The following PCDH15 variants were observed in gnomAD, a reference collection of about 807,000 sequenced individuals.
The protein encoded by PCDH15 is protocadherin-15.
PCDH15 carries 129 observed loss-of-function variants against 178.5 expected under a neutral mutation model. The observed-to-expected ratio is 0.72, with a 90% CI of 0.63 to 0.84. The LOEUF is 0.84. Ranked by LOEUF, PCDH15 falls within the 40% of genes least tolerant of loss-of-function variation. The probability of loss-of-function intolerance (pLI) is 0.00; values close to 1 mark genes in which losing one functional copy is unlikely to be tolerated. For synonymous variants in PCDH15, 800 were observed against 732.0 expected, an observed-to-expected ratio of 1.09 and a Z score of -1.50; for missense variants, 2,230 against 2,099.9, an observed-to-expected ratio of 1.06 and a Z score of -1.21.
chr10:54,952,984 G>C (rs886246738), intron 2 of PCDH15, among the ~76,000 whole-genome samples: 4 of 151,560 alleles, frequency 2.6e-5, no homozygotes, highest in African/African-American at 9.6e-5. Flanking sequence ...ATTTTTAAAA[G>C]TTTCTATTTC....
intron 2 of PCDH15, among the ~76,000 whole-genome samples, chr10:54,944,588 TTG>T (rs1451512862): frequency 1.5e-4 from 23 of 152,044 alleles, no homozygotes; most frequent in African/African-American, 5.5e-4. Flanking sequence ...ACAGACGCTG[TTG>T]ACTAAAGAAA....
chr10:54,598,817 C>A (rs557021801), intron 2 of PCDH15, among the ~76,000 whole-genome samples: 2 of 151,994 alleles, frequency 1.3e-5, no homozygotes, highest in Non-Finnish European at 2.9e-5. Flanking sequence ...ACTACCATTG[C>A]TATACATCAA....
At chr10:55,426,512 G>A (rs534884890) in intron 2 of PCDH15, among the ~76,000 whole-genome samples, 25 of 152,232 alleles carry the variant, frequency 1.6e-4, no homozygotes, top group Admixed American at 3.3e-4. Flanking sequence ...GGGGGTGCCC[G>A]CAAACCCGGT....
chr10:55,542,067 A>G (rs1448122859), intron 2 of PCDH15, among the ~76,000 whole-genome samples: 1 of 151,470 alleles, frequency 6.6e-6, no homozygotes, highest in Non-Finnish European at 1.5e-5. Flanking sequence ...TTGACATACC[A>G]CTTCCTACCA....
chr10:54,117,548 C>T (rs1206902614), intron 15 of PCDH15, among the ~76,000 whole-genome samples: 1 of 152,176 alleles, frequency 6.6e-6, no homozygotes, highest in Non-Finnish European at 1.5e-5. Context: ...TCCTGCCCAA[C>T]CAGCAGGTCC....
At chr10:54,355,229 A>G (rs532979562) in intron 5 of PCDH15, among the ~76,000 whole-genome samples, 9 of 149,354 alleles carry the variant, frequency 6.0e-5, no homozygotes, top group African/African-American at 2.0e-4. Flanking sequence ...TTATTTTGTT[A>G]TCATACTTAT....
intron 2 of PCDH15, among the ~76,000 whole-genome samples, chr10:55,069,122 T>C (rs1841648238): frequency 6.6e-6 from 1 of 151,372 alleles, no homozygotes; most frequent in Non-Finnish European, 1.5e-5. Flanking sequence ...GCCAAGCTGG[T>C]CTCGAACTCC....
At chr10:54,041,233 AAATGTT>A (rs1382340581) in intron 18 of PCDH15, among the ~76,000 whole-genome samples, 1 of 152,128 alleles carries the variant, frequency 6.6e-6, no homozygotes, top group Non-Finnish European at 1.5e-5. Flanking sequence ...GCCTCTCAGT[AAATGTT>A]AACTAAATTT....
At chr10:54,096,786 G>A (rs2094707813) in intron 15 of PCDH15, among the ~76,000 whole-genome samples, 1 of 152,100 alleles carries the variant, frequency 6.6e-6, no homozygotes, top group South Asian at 2.1e-4. Context: ...GGGGATTTTG[G>A]CTTCAATATG....
At chr10:54,857,870 T>C (rs1367151594) in intron 3 of PCDH15, among the ~76,000 whole-genome samples, 1 of 152,210 alleles carries the variant, frequency 6.6e-6, no homozygotes, top group Non-Finnish European at 1.5e-5. Flanking sequence ...ATGTATGGGT[T>C]ACAATACAAT....
At chr10:54,743,138 G>A (rs1376460080) in intron 1 of PCDH15, among the ~76,000 whole-genome samples, 1 of 152,002 alleles carries the variant, frequency 6.6e-6, no homozygotes, top group Non-Finnish European at 1.5e-5. Flanking sequence ...AAATGGAATG[G>A]CAAGTGAAAA....
At chr10:54,667,046 A>C (rs1484607742) in intron 1 of PCDH15, among the ~76,000 whole-genome samples, 2 of 152,054 alleles carry the variant, frequency 1.3e-5, no homozygotes, top group African/African-American at 2.4e-5. Context: ...TATTTCTGAA[A>C]GCATCACAGA....
intron 35 of PCDH15, among the ~76,000 whole-genome samples, chr10:53,812,903 A>G (rs901864792): frequency 2.6e-5 from 4 of 152,192 alleles, no homozygotes; most frequent in African/African-American, 9.6e-5. Context: ...GGAAATAAAA[A>G]GCCCTCCTCT....
In PCDH15 at chr10:55,392,754, AT is replaced by A. The variant is rs199821562; in HGVS notation, c.-155-226104del. Among the ~76,000 whole-genome samples the A allele has an allele frequency of 4.2e-3, 647 of 152,282 alleles. 9 individuals are homozygous for A. The highest frequency in any genetic ancestry group is 0.015 in the African/African-American group (620 of 41,568). ...TAAATAAACAAAATTTATTTAAAAC[AT>A]TTTTTAGACTGTTTCATAGTAAAAT... On this transcript the variant is annotated intron_variant, in intron 2 of 5. Transcript: ENST00000613346.
chr10:54,504,950 G>A (rs1424730822), intron 3 of PCDH15, among the ~76,000 whole-genome samples: 1 of 151,978 alleles, frequency 6.6e-6, no homozygotes. Flanking sequence ...TTAACATACT[G>A]CAGACTTTTT....
intron 1 of PCDH15, among the ~76,000 whole-genome samples, chr10:54,752,096 A>C (rs1370424128): frequency 6.6e-6 from 1 of 152,192 alleles, no homozygotes; most frequent in Non-Finnish European, 1.5e-5. Flanking sequence ...TTGTTCTGAA[A>C]GCTACATCTG....
At chr10:54,404,520 C>T (rs186455854) in intron 3 of PCDH15, among the ~76,000 whole-genome samples, 14 of 152,156 alleles carry the variant, frequency 9.2e-5, no homozygotes, top group Admixed American at 3.3e-4. Flanking sequence ...AAAATGAACT[C>T]AAGATGCATT....
At chr10:53,954,419 T>C (rs766612150) in intron 23 of PCDH15, among the ~76,000 whole-genome samples, 37 of 152,190 alleles carry the variant, frequency 2.4e-4, no homozygotes, top group Non-Finnish European at 4.6e-4. Context: ...AAAAGAACAA[T>C]GGATTTTGTT....
chr10:54,913,744 C>A (rs960780697), intron 2 of PCDH15, among the ~76,000 whole-genome samples: 1 of 152,188 alleles, frequency 6.6e-6, no homozygotes, highest in African/African-American at 2.4e-5. Context: ...CTGCCCAATT[C>A]CTTGGGAGCC....
Sources: allele counts gnomAD v4.1 joint callset (sites outside exome capture counted in the v4.1 genomes callset), GRCh38; gene constraint gnomAD v4.1.1; transcripts MANE v1.5; gene names NCBI Gene and HGNC (gene_info 2026-07-23, HGNC 2026-07-21).